Variants in TNNC1 observed in about 807,000 individuals in gnomAD.
TNNC1 encodes troponin C, slow skeletal and cardiac muscles.
A neutral mutation model predicts 19.6 loss-of-function variants in TNNC1; 10 were observed. That is an observed-to-expected ratio of 0.51 (90% CI 0.31 to 0.87). The LOEUF (loss-of-function observed/expected upper bound fraction) is 0.87. Among genes scored for constraint, TNNC1 ranks in the 40% least tolerant of loss-of-function variants. TNNC1 has a pLI of 0.04. For missense variants in TNNC1, 115 were observed against 219.8 expected, an observed-to-expected ratio of 0.52 and a Z score of 3.02; for synonymous variants, 85 against 80.1, an observed-to-expected ratio of 1.06 and a Z score of -0.33.
rs1027509482 is a variant in TNNC1, at chr3:52,451,923, C to T, written c.203-65G>A. The T allele has an allele frequency of 1.4e-5, 21 of 1,548,702 alleles. No individual in the cohort carries two copies. Among genetic ancestry groups the T allele is most frequent in the African/African-American group, 1.2e-4 (9 of 73,616 alleles). ...GGTACTGCAGGCAGCACCTTCGACA[C>T]GAACCCCCATGTTCTCACCGCATCC... On this transcript the variant is annotated intron_variant, in intron 3 of 5. Transcript: ENST00000232975. This position sits in a 1 kb window ranked among gnomAD's most constrained non-coding sequence, Gnocchi z 4.8.
chr3:52,451,761 G>A lies in TNNC1; in HGVS notation c.300C>T (p.Leu100=), dbSNP rs754928311. ...GTGCTCACTTGTCAAACATGCGGAA[G>A]AGGTCAGACAGCTCCTCCTCAGATT... is the stretch of plus-strand genomic sequence containing the variant. ...KGKSEEELSD[L]FRMFDKNADG... The change falls in exon 4 of 6, where the codon CTC becomes CTT. Residue 100 remains leucine (L), a synonymous_variant. Coordinates refer to ENST00000232975, the MANE Select transcript of TNNC1 (RefSeq NM_003280.3). The surrounding 1 kb of genome is among the most constrained non-coding windows in gnomAD (Gnocchi z 4.8). The A allele has an allele frequency of 4.3e-6, 7 of 1,614,120 alleles. No homozygotes were observed. The highest frequency in any genetic ancestry group is 5.9e-6 in the Non-Finnish European group (7 of 1,179,990).
In TNNC1 at chr3:52,452,355, A is replaced by G. The variant is rs1353335160; in HGVS notation, c.56-103T>C. On this transcript the variant is annotated intron_variant, in intron 2 of 5. Transcript: ENST00000232975. This position sits in a 1 kb window ranked among gnomAD's most constrained non-coding sequence, Gnocchi z 5.2. ...CTGCCAACCTGCCCACCTCCCTCGGAGACCTCTCTGAGGGCAGAGCAAGAG... is the reference window on the plus strand; with the variant it reads ...CTGCCAACCTGCCCACCTCCCTCGGGGACCTCTCTGAGGGCAGAGCAAGAG... 2 of 1,593,276 alleles carry G rather than the reference A, an allele frequency of 1.3e-6. No individual in the cohort carries two copies. Among genetic ancestry groups the G allele is most frequent in the Non-Finnish European group, 1.7e-6 (2 of 1,171,430 alleles).
At position 52,453,903 on chromosome 3, in the gene TNNC1, C is replaced by G. The variant is rs58378554; in HGVS notation, c.24+89G>C. ...TAGGCCTTCTCCTTGGTCCCCACCA[C>G]TTCCCTGGGGCTACTAACCCCGCAC... On this transcript the variant is annotated intron_variant, in intron 1 of 5. Transcript: ENST00000232975. The G allele has an allele frequency of 2.9e-5, 44 of 1,498,040 alleles. No homozygotes were observed. The East Asian group carries it at 7.9e-4, about 27-fold the overall frequency. 92.8% of individuals were successfully genotyped at this position (1,498,040 alleles called of 1,614,324 possible).
rs1559616361 is a variant in TNNC1, at chr3:52,452,454, T to A, written c.55+29A>T. 1.2e-6 allele frequency: 2 copies of A among 1,612,162 alleles called. No individual in the cohort carries two copies. Among genetic ancestry groups the A allele is most frequent in the Admixed American group, 3.4e-5 (2 of 59,660 alleles). On this transcript the variant is annotated intron_variant, in intron 2 of 5. Coordinates refer to ENST00000232975, the MANE Select transcript of TNNC1 (RefSeq NM_003280.3). The surrounding 1 kb of genome is among the most constrained non-coding windows in gnomAD (Gnocchi z 5.2). ...CCCCATGCCAGCCTGGACCCGCTGG[T>A]CTCCCACATGTGTGATAGGGATTCT...
At position 52,452,625 on chromosome 3, in the gene TNNC1, G is replaced by C; in HGVS notation, c.25-112C>G. ...AGCTGGAGGAGGCAGGCTATTTCCA[G>C]GCCACAGAGTGGAGGTCTCAGTCCT... is the stretch of plus-strand genomic sequence containing the variant. On this transcript the variant is annotated intron_variant, in intron 1 of 5. Coordinates refer to ENST00000232975, the MANE Select transcript of TNNC1 (RefSeq NM_003280.3). The surrounding 1 kb of genome is among the most constrained non-coding windows in gnomAD (Gnocchi z 5.2). 1 of 1,200,702 alleles carries C rather than the reference G, an allele frequency of 8.3e-7. No individual in the cohort carries two copies. Among genetic ancestry groups the C allele is most frequent in the South Asian group, 1.3e-5 (1 of 77,384 alleles). The allele number at this position is 1,200,702 out of a possible 1,614,324, so 74.4% of individuals were successfully genotyped here.
Position 52,452,396 on chromosome 3 carries a change from TCTCTGGCCTGGGGTC to T in TNNC1, c.55+72_55+86del. Reference sequence around the variant, plus strand: ...AGAGCAAGAGGGACCAAGCCTCTGGTCTCTGGCCTGGGGTCCTCTTCTGATAAGGGGTCCCCATGC... The same window carrying T: ...AGAGCAAGAGGGACCAAGCCTCTGGTCTCTTCTGATAAGGGGTCCCCATGC... On this transcript the variant is annotated intron_variant, in intron 2 of 5. Transcript: ENST00000232975. The surrounding 1 kb of genome is among the most constrained non-coding windows in gnomAD (Gnocchi z 5.2). The T allele has an allele frequency of 6.3e-7, 1 of 1,587,076 alleles. No homozygotes were observed. Among genetic ancestry groups the T allele is most frequent in the South Asian group, 1.1e-5 (1 of 89,518 alleles).
In TNNC1 at chr3:52,452,104, A is replaced by G. The variant is rs113124097; in HGVS notation, c.202+2T>C. ...CTGGAGCCTGGGGAGGAGGGGGCTCACCGTCCTCGTCCACCTCATCGATCA... is the reference window on the plus strand; with the variant it reads ...CTGGAGCCTGGGGAGGAGGGGGCTCGCCGTCCTCGTCCACCTCATCGATCA... On this transcript the variant is annotated splice_donor_variant, in intron 3 of 5. Coordinates refer to ENST00000232975, the MANE Select transcript of TNNC1 (RefSeq NM_003280.3). LOFTEE classifies it high-confidence loss of function. The surrounding 1 kb of genome is among the most constrained non-coding windows in gnomAD (Gnocchi z 5.2). The G allele has an allele frequency of 6.2e-7, 1 of 1,613,680 alleles. No homozygotes were observed. Among genetic ancestry groups the G allele is most frequent in the African/African-American group, 1.3e-5 (1 of 74,920 alleles).
Position 52,452,103 on chromosome 3 carries a change from C to A in TNNC1, c.202+3G>T. 1 of 1,613,864 alleles carries A rather than the reference C, an allele frequency of 6.2e-7. No individual in the cohort carries two copies. The highest frequency in any genetic ancestry group is 8.5e-7 in the Non-Finnish European group (1 of 1,180,034). On this transcript the variant is annotated splice_donor_region_variant and intron_variant, in intron 3 of 5. Transcript: ENST00000232975. This position sits in a 1 kb window ranked among gnomAD's most constrained non-coding sequence, Gnocchi z 5.2. ...TCTGGAGCCTGGGGAGGAGGGGGCT[C>A]ACCGTCCTCGTCCACCTCATCGATC...
chr3:52,453,937 G>T, intron 1 of TNNC1, 55 bp downstream of exon 1: 1 of 1,559,464 alleles, frequency 6.4e-7, no homozygotes. Flanking sequence ...ACTCTCAGCT[G>T]AGTGAGCCCC....
rs1318170964 is a variant in TNNC1, at chr3:52,451,840, A to C, written c.221T>G (p.Phe74Cys). The change falls in exon 4 of 6, where the codon TTT becomes TGT. Residue 74 changes from phenylalanine (F) to cysteine (C), a missense_variant. Transcript: ENST00000232975. The surrounding 1 kb of genome is among the most constrained non-coding windows in gnomAD (Gnocchi z 4.8). ...AACCATCATGACCAGGAACTCATCA[A>C]AGTCCACCGTGCCGCTGCCTGGGGG... ...VDEDGSGTVD[F>C]DEFLVMMVRC... 3.7e-6 allele frequency: 6 copies of C among 1,613,918 alleles called. No homozygotes were observed. The highest frequency in any genetic ancestry group is 5.1e-6 in the Non-Finnish European group (6 of 1,180,008).
In TNNC1 at chr3:52,452,908, C is replaced by T. The variant is rs1445813337; in HGVS notation, c.25-395G>A. 3.1e-6 allele frequency: 1 copy of T among 318,510 alleles called. No individual in the cohort carries two copies. The highest frequency in any genetic ancestry group is 4.4e-5 in the Admixed American group (1 of 22,954). The allele number at this position is 318,510 out of a possible 1,614,324, so 19.7% of individuals were successfully genotyped here. A position where few individuals can be genotyped will look rare whatever the true frequency, so the allele number is the denominator to read the frequency against. Reference sequence around the variant, plus strand: ...CACGGTAACCTGACCAGGGTGGCCACTGGGCTATTTTTAACGAGGAACAAA... The same window carrying T: ...CACGGTAACCTGACCAGGGTGGCCATTGGGCTATTTTTAACGAGGAACAAA... On this transcript the variant is annotated intron_variant, in intron 1 of 5. Transcript: ENST00000232975. This position sits in a 1 kb window ranked among gnomAD's most constrained non-coding sequence, Gnocchi z 5.2.
rs767523294 is a variant in TNNC1 at position 52,452,449 on chromosome 3, G to A, written c.55+34C>T. Reference sequence around the variant, plus strand: ...GGGGTCCCCATGCCAGCCTGGACCCGCTGGTCTCCCACATGTGTGATAGGG... The same window carrying A: ...GGGGTCCCCATGCCAGCCTGGACCCACTGGTCTCCCACATGTGTGATAGGG... On this transcript the variant is annotated intron_variant, in intron 2 of 5. Coordinates refer to ENST00000232975, the MANE Select transcript of TNNC1 (RefSeq NM_003280.3). This position sits in a 1 kb window ranked among gnomAD's most constrained non-coding sequence, Gnocchi z 5.2. 8.1e-6 allele frequency: 13 copies of A among 1,610,836 alleles called. No individual in the cohort carries two copies. Among genetic ancestry groups the A allele is most frequent in the South Asian group, 3.3e-5 (3 of 90,536 alleles).
rs779922160 is a variant in TNNC1, at chr3:52,451,546, G to A, written c.318-19C>T. On this transcript the variant is annotated intron_variant, in intron 4 of 5. Coordinates refer to ENST00000232975, the MANE Select transcript of TNNC1 (RefSeq NM_003280.3). The surrounding 1 kb of genome is among the most constrained non-coding windows in gnomAD (Gnocchi z 4.8). ...AGCATTTCTGTGGGGAGGGGGCTCA[G>A]GGTAGGGCTGTGGGGAGGGCATGAG... is the stretch of plus-strand genomic sequence containing the variant. 2 of 1,613,696 alleles carry A rather than the reference G, an allele frequency of 1.2e-6. No individual in the cohort carries two copies. The highest frequency in any genetic ancestry group is 1.7e-6 in the Non-Finnish European group (2 of 1,179,946).
Position 52,451,371 on chromosome 3 carries a change from C to T in TNNC1, c.454+20G>A. 6.2e-7 allele frequency: 1 copy of T among 1,614,100 alleles called. No individual in the cohort carries two copies. The highest frequency in any genetic ancestry group is 8.5e-7 in the Non-Finnish European group (1 of 1,179,988). On this transcript the variant is annotated intron_variant, in intron 5 of 5. Transcript: ENST00000232975. The surrounding 1 kb of genome is among the most constrained non-coding windows in gnomAD (Gnocchi z 4.8). ...TGGGCAGGGCATGGAGGCAGGAGAT[C>T]AGCCCACCCACCCGCTTACCATCAT...
At position 52,451,207 on chromosome 3, in the gene TNNC1, C is replaced by A. The variant is rs1706317444; in HGVS notation, c.*68G>T. On this transcript the variant is annotated 3_prime_UTR_variant, in exon 6 of 6. Coordinates refer to ENST00000232975, the MANE Select transcript of TNNC1 (RefSeq NM_003280.3). This position sits in a 1 kb window ranked among gnomAD's most constrained non-coding sequence, Gnocchi z 4.8. Reference sequence around the variant, plus strand: ...GCTCAGGTCCTGGGACCCCGACCCCCTCCCCAACCCCAGGACTCAGCTGGA... The same window carrying A: ...GCTCAGGTCCTGGGACCCCGACCCCATCCCCAACCCCAGGACTCAGCTGGA... 1 of 1,601,638 alleles carries A rather than the reference C, an allele frequency of 6.2e-7. No individual in the cohort carries two copies. Among genetic ancestry groups the A allele is most frequent in the Non-Finnish European group, 8.6e-7 (1 of 1,169,448 alleles).
Position 52,451,405 on chromosome 3 carries a change from C to T in TNNC1, c.440G>A (p.Arg147His), listed in dbSNP as rs769919235. Reference protein sequence around the residue: ...MKDGDKNNDGRIDYDEFLEFM... With the variant: ...MKDGDKNNDGHIDYDEFLEFM... Reference sequence around the variant, plus strand: ...CACCCGCTTACCATCATAGTCGATGCGGCCGTCGTTGTTCTTGTCTCCGTC... The same window carrying T: ...CACCCGCTTACCATCATAGTCGATGTGGCCGTCGTTGTTCTTGTCTCCGTC... The change falls in exon 5 of 6, where the codon CGC becomes CAC. Residue 147 changes from arginine (R) to histidine (H), a missense_variant. Around this residue, in one of 2 missense-constraint regions of TNNC1, gnomAD observed 96 missense variants for 114.2 expected, o/e 0.84. Transcript: ENST00000232975. This position sits in a 1 kb window ranked among gnomAD's most constrained non-coding sequence, Gnocchi z 4.8. 1.2e-6 allele frequency: 2 copies of T among 1,614,160 alleles called. No homozygotes were observed. Among genetic ancestry groups the T allele is most frequent in the Non-Finnish European group, 1.7e-6 (2 of 1,180,014 alleles).
rs890646332 is a variant in TNNC1 at position 52,452,732 on chromosome 3, C to T, written c.25-219G>A. The stretch of plus-strand genomic sequence containing the variant: ...CAGGGCCAGGGTGACAGGTGGGCAC[C>T]CCCTTCAGGACCAAGGTGACCCTCA... On this transcript the variant is annotated intron_variant, in intron 1 of 5. Coordinates refer to ENST00000232975, the MANE Select transcript of TNNC1 (RefSeq NM_003280.3). The surrounding 1 kb of genome is among the most constrained non-coding windows in gnomAD (Gnocchi z 5.2). The T allele has an allele frequency of 1.6e-6, 1 of 625,616 alleles. No homozygotes were observed. Among genetic ancestry groups the T allele is most frequent in the African/African-American group, 1.8e-5 (1 of 54,952 alleles). 38.8% of individuals were successfully genotyped at this position (625,616 alleles called of 1,614,324 possible).
At position 52,452,459 on chromosome 3, in the gene TNNC1, C is replaced by T; in HGVS notation, c.55+24G>A. 6.2e-7 allele frequency: 1 copy of T among 1,612,648 alleles called. No homozygotes were observed. Among genetic ancestry groups the T allele is most frequent in the Non-Finnish European group, 8.5e-7 (1 of 1,179,422 alleles). ...TGCCAGCCTGGACCCGCTGGTCTCC[C>T]ACATGTGTGATAGGGATTCTCACCA... On this transcript the variant is annotated intron_variant, in intron 2 of 5. Coordinates refer to ENST00000232975, the MANE Select transcript of TNNC1 (RefSeq NM_003280.3). The surrounding 1 kb of genome is among the most constrained non-coding windows in gnomAD (Gnocchi z 5.2).
In TNNC1 at chr3:52,451,378, C is replaced by A; in HGVS notation, c.454+13G>T. 1 of 1,614,116 alleles carries A rather than the reference C, an allele frequency of 6.2e-7. No individual in the cohort carries two copies. The highest frequency in any genetic ancestry group is 8.5e-7 in the Non-Finnish European group (1 of 1,179,992). On this transcript the variant is annotated intron_variant, in intron 5 of 5. Coordinates refer to ENST00000232975, the MANE Select transcript of TNNC1 (RefSeq NM_003280.3). The surrounding 1 kb of genome is among the most constrained non-coding windows in gnomAD (Gnocchi z 4.8). ...GGCATGGAGGCAGGAGATCAGCCCA[C>A]CCACCCGCTTACCATCATAGTCGAT... is the stretch of plus-strand genomic sequence containing the variant.
Sources: gnomAD v4.1 joint callset for allele counts on GRCh38, gnomAD v4.1.1 for gene constraint, gnomAD v4.1.1 regional missense constraint, Gnocchi (gnomAD v3.1) non-coding constraint, MANE v1.5 for transcripts, NCBI Gene and HGNC (gene_info 2026-07-23, HGNC 2026-07-21) for gene names.